Variants in PCDHGB6 observed in about 807,000 individuals in gnomAD.
PCDHGB6 encodes the protein protocadherin gamma subfamily B, 6.
In PCDHGB6, 51 loss-of-function variants were observed where a neutral mutation model predicts 59.1. The observed-to-expected ratio is 0.86, with a 90% CI of 0.69 to 1.09. The LOEUF (loss-of-function observed/expected upper bound fraction) is 1.09, where lower values mean the gene tolerates loss of function less well. Ranked by LOEUF, PCDHGB6 falls within the 50% of genes least tolerant of loss-of-function variation. The pLI is 0.00. For synonymous variants in PCDHGB6, 466 were observed against 495.1 expected (o/e 0.94, Z 0.78); for missense variants, 1,148 against 1,205.1 (o/e 0.95, Z 0.70).
In PCDHGB6 at chr5:141,432,293, G is replaced by C. The variant is rs765631138; in HGVS notation, c.2418+21673G>C. Reference sequence around the variant, plus strand: ...CTACGTGTCCATCAACTCCGACACTGGGGTACTGTATGCGCTGAGCTCCTT... The same window carrying C: ...CTACGTGTCCATCAACTCCGACACTCGGGTACTGTATGCGCTGAGCTCCTT... On this transcript the variant is annotated intron_variant, in intron 1 of 3. Coordinates refer to ENST00000520790, the MANE Select transcript of PCDHGB6 (RefSeq NM_018926.3). This position sits in a 1 kb window ranked among gnomAD's most constrained non-coding sequence, Gnocchi z 6.0. 6.2e-7 allele frequency: 1 copy of C among 1,614,254 alleles called. No individual in the cohort carries two copies.
chr5:141,485,561 G>A lies in PCDHGB6; in HGVS notation c.2419-9246G>A. 1.9e-6 allele frequency: 3 copies of A among 1,613,008 alleles called. No homozygotes were observed. The highest frequency in any genetic ancestry group is 1.1e-5 in the South Asian group (1 of 91,026). ...AGAGATCGTAGATGTGAATGATCACGCCCCCCGTTTTCCGCGGCAGCAGCT... is the reference window on the plus strand; with the variant it reads ...AGAGATCGTAGATGTGAATGATCACACCCCCCGTTTTCCGCGGCAGCAGCT... On this transcript the variant is annotated intron_variant, in intron 1 of 3. Transcript: ENST00000520790. The surrounding 1 kb of genome is among the most constrained non-coding windows in gnomAD (Gnocchi z 5.7).
intron 1 of PCDHGB6, chr5:141,415,066 C>T (rs777981621): frequency 1.4e-5 from 23 of 1,613,410 alleles, no homozygotes; most frequent in Non-Finnish European, 1.9e-5. Flanking sequence ...GGGCGAGGTG[C>T]GCACGGCGCG....
chr5:141,477,002 G>A lies in PCDHGB6; in HGVS notation c.2419-17805G>A, dbSNP rs770390597. On this transcript the variant is annotated intron_variant, in intron 1 of 3. Coordinates refer to ENST00000520790, the MANE Select transcript of PCDHGB6 (RefSeq NM_018926.3). The surrounding 1 kb of genome is among the most constrained non-coding windows in gnomAD (Gnocchi z 4.9). ...CCGCGCCGGCGTGCGGCAACTATTC[G>A]CCTTAGACCTTGTAACCGGGATGCT... 6.2e-7 allele frequency: 1 copy of A among 1,614,102 alleles called. No homozygotes were observed. The highest frequency in any genetic ancestry group is 1.3e-5 in the African/African-American group (1 of 74,952).
Position 141,491,984 on chromosome 5 carries a change from C to G in PCDHGB6, c.2419-2823C>G. 1.4e-6 allele frequency: 1 copy of G among 734,256 alleles called. No homozygotes were observed. The highest frequency in any genetic ancestry group is 3.2e-5 in the East Asian group (1 of 31,678). The allele number at this position is 734,256 out of a possible 1,614,324, so 45.5% of individuals were successfully genotyped here. ...AAGGCCGGGGCCTCCTTCGAGCTTC[C>G]GGTGAATTTCGGGCGATTTCCGCGG... On this transcript the variant is annotated intron_variant, in intron 1 of 3. Coordinates refer to ENST00000520790, the MANE Select transcript of PCDHGB6 (RefSeq NM_018926.3). The surrounding 1 kb of genome is among the most constrained non-coding windows in gnomAD (Gnocchi z 6.9).
chr5:141,448,818 G>A (rs2098609016), intron 1 of PCDHGB6, among the ~76,000 whole-genome samples: 1 of 151,984 alleles, frequency 6.6e-6, no homozygotes, highest in Admixed American at 6.6e-5. Context: ...GATGGCGGGC[G>A]CCTGTAGTCC....
At chr5:141,424,959 C>A (rs1561817087) in intron 1 of PCDHGB6, among the ~76,000 whole-genome samples, 4 of 152,152 alleles carry the variant, frequency 2.6e-5, no homozygotes, top group Non-Finnish European at 5.9e-5. Flanking sequence ...TAGGTATTTG[C>A]CCCAAATTAC....
At chr5:141,480,781 G>A (rs2099525581) in intron 1 of PCDHGB6, among the ~76,000 whole-genome samples, 1 of 152,174 alleles carries the variant, frequency 6.6e-6, no homozygotes, top group Admixed American at 6.5e-5. Flanking sequence ...CTAATGTGCA[G>A]ACAAATTTGA....
Position 141,408,929 on chromosome 5 carries a change from A to G in PCDHGB6, c.727A>G (p.Ser243Gly). 1 of 1,613,518 alleles carries G rather than the reference A, an allele frequency of 6.2e-7. No homozygotes were observed. Among genetic ancestry groups the G allele is most frequent in the Non-Finnish European group, 8.5e-7 (1 of 1,179,714 alleles). Residue 243 changes from serine (S) to glycine (G), a missense_variant, in exon 1 of 4, where the codon AGC (serine) becomes GGC (glycine). Transcript: ENST00000520790. Reference protein sequence around the residue: ...KDTNDNPPVFSRDEYRISLSE... With the variant: ...KDTNDNPPVFGRDEYRISLSE... Reference sequence around the variant, plus strand: ...TACCAATGATAACCCCCCGGTTTTCAGCAGAGACGAATATAGAATTAGTCT... The same window carrying G: ...TACCAATGATAACCCCCCGGTTTTCGGCAGAGACGAATATAGAATTAGTCT...
intron 1 of PCDHGB6, chr5:141,427,676 T>G: frequency 1.2e-6 from 1 of 813,766 alleles, no homozygotes; most frequent in Non-Finnish European, 2.1e-6. Flanking sequence ...AAAACAACCT[T>G]CCCGGAGCCT....
intron 1 of PCDHGB6, chr5:141,419,425 C>A (rs3749766): frequency 2.5e-6 from 4 of 1,613,316 alleles, no homozygotes; most frequent in Non-Finnish European, 3.4e-6. Context: ...CCTTCGACCA[C>A]GAGCAGCTGC....
In PCDHGB6 at chr5:141,432,847, G is replaced by A. The variant is rs768265171; in HGVS notation, c.2418+22227G>A. On this transcript the variant is annotated intron_variant, in intron 1 of 3. Transcript: ENST00000520790. The surrounding 1 kb of genome is among the most constrained non-coding windows in gnomAD (Gnocchi z 6.0). Reference sequence around the variant, plus strand: ...ACCTCACTCTGTACCTGGTGGTAGCGGTGGCCGCGGTCTCCTGCGTCTTCC... The same window carrying A: ...ACCTCACTCTGTACCTGGTGGTAGCAGTGGCCGCGGTCTCCTGCGTCTTCC... 5.0e-6 allele frequency: 8 copies of A among 1,614,180 alleles called. No homozygotes were observed. The highest frequency in any genetic ancestry group is 6.8e-6 in the Non-Finnish European group (8 of 1,179,994).
rs1283050252 is a variant in PCDHGB6, at chr5:141,512,909, T to G, written c.*1736T>G. ...CCTCTTCCTGTGTCTCACGCAAGTT[T>G]TATACTCTAATATTTATATGGCTTT... On this transcript the variant is annotated 3_prime_UTR_variant, in exon 4 of 4. Coordinates refer to ENST00000520790, the MANE Select transcript of PCDHGB6 (RefSeq NM_018926.3). 6.6e-6 allele frequency: 1 copy of G among 152,268 alleles called. No homozygotes were observed. The highest frequency in any genetic ancestry group is 1.5e-5 in the Non-Finnish European group (1 of 68,056). 9.4% of individuals were successfully genotyped at this position (152,268 alleles called of 1,614,324 possible).
rs1014896576 is a variant in PCDHGB6, at chr5:141,512,427, C to T, written c.*1254C>T. 6.5e-6 allele frequency: 1 copy of T among 152,788 alleles called. No individual in the cohort carries two copies. Among genetic ancestry groups the T allele is most frequent in the African/African-American group, 2.4e-5 (1 of 41,460 alleles). The allele number at this position is 152,788 out of a possible 1,614,324, so 9.5% of individuals were successfully genotyped here. A position where few individuals can be genotyped will look rare whatever the true frequency, so the allele number is the denominator to read the frequency against. On this transcript the variant is annotated 3_prime_UTR_variant, in exon 4 of 4. Transcript: ENST00000520790. ...GGGCTTCTTCAACAGGGCCCCTGCC[C>T]TCCTGAAGCCTCAGTCCTTCACCTT...
chr5:141,431,702 T>C lies in PCDHGB6; in HGVS notation c.2418+21082T>C, dbSNP rs1349630251. The C allele has an allele frequency of 5.6e-6, 9 of 1,614,110 alleles. No individual in the cohort carries two copies. In the East Asian group the frequency reaches 8.9e-5, roughly 16 times the overall value. Reference sequence around the variant, plus strand: ...GTTGGACCACGAGGAGTCAGGATTCTACCAGATGGAAGTGCAAGCAATGGA... The same window carrying C: ...GTTGGACCACGAGGAGTCAGGATTCCACCAGATGGAAGTGCAAGCAATGGA... On this transcript the variant is annotated intron_variant, in intron 1 of 3. Transcript: ENST00000520790. This position sits in a 1 kb window ranked among gnomAD's most constrained non-coding sequence, Gnocchi z 4.8.
intron 1 of PCDHGB6, chr5:141,412,984 C>A: frequency 1.8e-6 from 1 of 558,874 alleles, no homozygotes; most frequent in Non-Finnish European, 3.0e-6. Context: ...GCAGCCAGAG[C>A]TCAATCCGGA....
intron 1 of PCDHGB6, among the ~76,000 whole-genome samples, chr5:141,474,379 T>A (rs1451968368): frequency 6.6e-6 from 1 of 152,208 alleles, no homozygotes; most frequent in Non-Finnish European, 1.5e-5. Flanking sequence ...GAGGAGGGCA[T>A]TTCTGCATTT....
rs1404896464 is a variant in PCDHGB6, at chr5:141,408,972, CT to C, written c.771del (p.Ser259ProfsTer6). 1 of 1,613,870 alleles carries C rather than the reference CT, an allele frequency of 6.2e-7. No homozygotes were observed. Among genetic ancestry groups the C allele is most frequent in the Middle Eastern group, 1.6e-4 (1 of 6,062 alleles). ...ATTAGTCTTAGTGAAAATCTGCCCC[CT>C]GGGTCCCCTGTGTTGCAAGTGACAG... ...YRISLSENLPPGSPVLQVTAT... is the reference protein window; with the variant it reads ...YRISLSENLPXGSPVLQVTAT... On this transcript the variant is annotated frameshift_variant, in exon 1 of 4. Coordinates refer to ENST00000520790, the MANE Select transcript of PCDHGB6 (RefSeq NM_018926.3). LOFTEE classifies it high-confidence loss of function.
chr5:141,456,968 A>AAAACAAAC (rs202005606), intron 1 of PCDHGB6, among the ~76,000 whole-genome samples: 1 of 152,282 alleles, frequency 6.6e-6, no homozygotes, highest in Admixed American at 6.5e-5. Flanking sequence ...ATCTCAAAAC[A>AAAACAAAC]AAACAAACAA....
intron 1 of PCDHGB6, among the ~76,000 whole-genome samples, chr5:141,466,021 G>A (rs2099115061): frequency 6.6e-6 from 1 of 151,934 alleles, no homozygotes; most frequent in Admixed American, 6.6e-5. Flanking sequence ...ACTCGGGAGG[G>A]TGAGGCAGGA....
Sources: gnomAD v4.1 joint callset for allele counts (sites outside exome capture counted in the v4.1 genomes callset) on GRCh38, gnomAD v4.1.1 for gene constraint, Gnocchi (gnomAD v3.1) non-coding constraint, MANE v1.5 for transcripts, NCBI Gene and HGNC (gene_info 2026-07-23, HGNC 2026-07-21) for gene names.